The following EFCAB5 variants were observed in gnomAD, a reference collection of about 807,000 sequenced individuals.
EFCAB5 encodes EF-hand calcium binding domain 5.
A neutral mutation model predicts 167.9 loss-of-function variants in EFCAB5; 131 were observed. The observed-to-expected ratio is 0.78, with a 90% CI of 0.68 to 0.90. The LOEUF (loss-of-function observed/expected upper bound fraction) is 0.90, where lower values mean the gene tolerates loss of function less well. EFCAB5 is among the 40% of genes least tolerant of loss of function. EFCAB5 has a pLI of 0.00. For synonymous variants in EFCAB5, 574 were observed against 602.8 expected (o/e 0.95, Z 0.70); for missense variants, 1,663 against 1,745.2 (o/e 0.95, Z 0.84).
intron 8 of EFCAB5, among the ~76,000 whole-genome samples, chr17:30,043,037 G>A: frequency 6.6e-6 from 1 of 152,008 alleles, no homozygotes. Flanking sequence ...CCAAGCTAAG[G>A]AGGAGATTGA....
chr17:30,016,917 C>T (rs1009560732), intron 7 of EFCAB5, among the ~76,000 whole-genome samples: 31 of 152,078 alleles, frequency 2.0e-4, no homozygotes, highest in African/African-American at 7.5e-4. Flanking sequence ...TGGCTCATAC[C>T]TATAATCCCA....
chr17:29,982,442 C>T (rs184264209), intron 4 of EFCAB5, among the ~76,000 whole-genome samples: 2 of 149,512 alleles, frequency 1.3e-5, no homozygotes, highest in African/African-American at 5.1e-5. Flanking sequence ...ACTAAGACCA[C>T]CAGAGCTTAA....
At position 30,058,773 on chromosome 17, in the gene EFCAB5, G is replaced by A. The variant is rs187735149; in HGVS notation, c.2581-772G>A. 9.5e-4 allele frequency among the ~76,000 whole-genome samples: 145 copies of A among 152,180 alleles called. 2 individuals carry two copies. The Middle Eastern group carries it at 0.01, about 11-fold the overall frequency. ...AATTCCAGTGCTTTGGGAGGCTGAGGAGGGAAAATCTCTTGGGCTCAGGAA... is the reference window on the plus strand; with the variant it reads ...AATTCCAGTGCTTTGGGAGGCTGAGAAGGGAAAATCTCTTGGGCTCAGGAA... On this transcript the variant is annotated intron_variant, in intron 13 of 22. Coordinates refer to ENST00000394835, the MANE Select transcript of EFCAB5 (RefSeq NM_198529.4).
chr17:30,009,994 A>G (rs1162315079), intron 7 of EFCAB5, among the ~76,000 whole-genome samples: 8 of 151,368 alleles, frequency 5.3e-5, no homozygotes, highest in South Asian at 2.1e-4. Context: ...CCGGTGTGTA[A>G]TGTGTCCTAT....
chr17:29,974,076 G>A (rs894907127), intron 4 of EFCAB5, among the ~76,000 whole-genome samples: 4 of 150,230 alleles, frequency 2.7e-5, no homozygotes, highest in Non-Finnish European at 4.4e-5. Context: ...AGAATTGCTT[G>A]AACCTGGAAG....
Position 30,087,138 on chromosome 17 carries a change from A to G in EFCAB5, c.3655A>G (p.Thr1219Ala), listed in dbSNP as rs1445917057. 6.8e-6 allele frequency: 11 copies of G among 1,613,636 alleles called. No individual in the cohort carries two copies. Among genetic ancestry groups the G allele is most frequent in the Non-Finnish European group, 9.3e-6 (11 of 1,179,694 alleles). ...GLTEIHKNPP[T>A]IHRKSCIFRD... The stretch of plus-strand genomic sequence containing the variant: ...AACAGAAATCCACAAAAATCCTCCT[A>G]CCATCCACAGGAAGTCATGCATCTT... Residue 1219 changes from threonine (T) to alanine (A), a missense_variant, in exon 19 of 23, where the codon ACC becomes GCC. Thr to Ala is a moderately conservative substitution (Grantham distance 58). Coordinates refer to ENST00000394835, the MANE Select transcript of EFCAB5 (RefSeq NM_198529.4).
intron 22 of EFCAB5, among the ~76,000 whole-genome samples, chr17:30,097,061 T>TATATA (rs200670086): frequency 3.3e-4 from 17 of 51,142 alleles, no homozygotes; most frequent in African/African-American, 2.0e-3. Flanking sequence ...TATATATATA[T>TATATA]TTTTTTTTTT....
chr17:29,948,345 G>A (rs187448061), intron 3 of EFCAB5, among the ~76,000 whole-genome samples: 135 of 152,052 alleles, frequency 8.9e-4, no homozygotes, highest in African/African-American at 3.1e-3. Flanking sequence ...TTCTCTTATT[G>A]CTTTTCAATG....
chr17:30,007,350 C>T (rs569806670), intron 7 of EFCAB5, among the ~76,000 whole-genome samples: 1 of 152,276 alleles, frequency 6.6e-6, no homozygotes, highest in East Asian at 1.9e-4. Flanking sequence ...ACAATTTAAT[C>T]TGCCAGACTG....
At chr17:30,050,415 G>A (rs903782158) in intron 8 of EFCAB5, among the ~76,000 whole-genome samples, 7 of 152,106 alleles carry the variant, frequency 4.6e-5, no homozygotes, top group South Asian at 4.1e-4. Context: ...GATTACAGGC[G>A]TGAGCCACCG....
upstream of EFCAB5, among the ~76,000 whole-genome samples, chr17:29,937,069 T>C (rs2067251458): frequency 1.3e-5 from 2 of 152,352 alleles, no homozygotes; most frequent in South Asian, 2.1e-4. Context: ...GAGGTGCAAG[T>C]GGAGGCATAA....
chr17:29,939,328 C>G (rs908988153), upstream of EFCAB5, among the ~76,000 whole-genome samples: 1 of 152,134 alleles, frequency 6.6e-6, no homozygotes, highest in Non-Finnish European at 1.5e-5. Flanking sequence ...AGAGTACAGG[C>G]AGAATAGATT....
intron 14 of EFCAB5, among the ~76,000 whole-genome samples, chr17:30,070,570 A>T (rs1171132092): frequency 6.6e-6 from 1 of 152,224 alleles, no homozygotes; most frequent in East Asian, 1.9e-4. Flanking sequence ...AAAGGTACCA[A>T]GAACATTCAT....
intron 14 of EFCAB5, chr17:30,073,765 A>C: frequency 6.2e-6 from 4 of 641,984 alleles, no homozygotes; most frequent in Non-Finnish European, 1.2e-5. Context: ...CCATACTCCT[A>C]TCAAGATACA....
chr17:30,006,295 T>A (rs1597656854), intron 7 of EFCAB5, among the ~76,000 whole-genome samples: 2 of 152,300 alleles, frequency 1.3e-5, no homozygotes, highest in African/African-American at 2.4e-5. Context: ...TACAAAAAAA[T>A]TTTAAAATTT....
intron 4 of EFCAB5, among the ~76,000 whole-genome samples, chr17:29,991,208 C>T (rs1013833562): frequency 6.6e-6 from 1 of 152,166 alleles, no homozygotes; most frequent in South Asian, 2.1e-4. Context: ...CCGACTGTCA[C>T]TCCAGTGACC....
At chr17:29,994,663 C>A (rs1169739314) in intron 5 of EFCAB5, among the ~76,000 whole-genome samples, 1 of 152,218 alleles carries the variant, frequency 6.6e-6, no homozygotes, top group Non-Finnish European at 1.5e-5. Context: ...GTAATCCCAG[C>A]ACTTTGGGAG....
At chr17:29,991,229 G>T (rs770884703) in intron 4 of EFCAB5, among the ~76,000 whole-genome samples, 3 of 152,098 alleles carry the variant, frequency 2.0e-5, no homozygotes, top group Non-Finnish European at 4.4e-5. Flanking sequence ...CTTCGACCCA[G>T]GTTCCAGCCC....
Position 29,993,180 on chromosome 17 carries a change from G to A in EFCAB5, c.783G>A (p.Lys261=), listed in dbSNP as rs1379110723. 6.2e-7 allele frequency: 1 copy of A among 1,610,338 alleles called. No homozygotes were observed. Among genetic ancestry groups the A allele is most frequent in the Admixed American group, 1.7e-5 (1 of 59,614 alleles). The change falls in exon 5 of 23, where the codon AAG becomes AAA. Residue 261 remains lysine (K), a synonymous_variant. Coordinates refer to ENST00000394835, the MANE Select transcript of EFCAB5 (RefSeq NM_198529.4). ...DTICNRVSKM[K]ENVKQNRKQR... is the part of the protein sequence containing the mutation. ...CATCCTGCAGAGTATCCAAGATGAA[G>A]GAGAATGTTAAACAGAATAGAAAAC...
Sources: allele counts gnomAD v4.1 joint callset (sites outside exome capture counted in the v4.1 genomes callset), GRCh38; gene constraint gnomAD v4.1.1; transcripts MANE v1.5; gene names NCBI Gene and HGNC (gene_info 2026-07-23, HGNC 2026-07-21).